The following LINGO2 variants were observed in gnomAD, a reference collection of about 807,000 sequenced individuals.
LINGO2 encodes the protein leucine rich repeat and Ig domain containing 2, also known as leucine-rich repeat and immunoglobulin-like domain-containing nogo receptor-interacting protein 2.
LINGO2 carries 14 observed loss-of-function variants against 30.6 expected under a neutral mutation model. That is an observed-to-expected ratio of 0.46 (90% CI 0.30 to 0.72). The LOEUF (loss-of-function observed/expected upper bound fraction) is 0.72. Among genes scored for constraint, LINGO2 ranks in the 30% least tolerant of loss-of-function variants. The probability of loss-of-function intolerance (pLI) is 0.07; values close to 1 mark genes in which losing one functional copy is unlikely to be tolerated. For missense variants in LINGO2, 729 were observed against 751.7 expected, an observed-to-expected ratio of 0.97 and a Z score of 0.35; for synonymous variants, 317 against 288.5, an observed-to-expected ratio of 1.10 and a Z score of -1.00.
intron 4 of LINGO2, among the ~76,000 whole-genome samples, chr9:28,204,952 C>T (rs1296656539): frequency 6.6e-6 from 1 of 152,188 alleles, no homozygotes; most frequent in Non-Finnish European, 1.5e-5. Context: ...AATTGGCCCA[C>T]TAGCCCAATT....
At chr9:28,302,410 G>A (rs943763207) in intron 3 of LINGO2, among the ~76,000 whole-genome samples, 2 of 152,194 alleles carry the variant, frequency 1.3e-5, no homozygotes, top group African/African-American at 4.8e-5. Context: ...TGGGAGCAAT[G>A]GCTCACACCT....
chr9:28,391,424 A>C (rs1587601478), intron 2 of LINGO2, among the ~76,000 whole-genome samples: 1 of 152,314 alleles, frequency 6.6e-6, no homozygotes, highest in African/African-American at 2.4e-5. Context: ...CGGGTTCATC[A>C]GATTCAAAAC....
intron 4 of LINGO2, among the ~76,000 whole-genome samples, chr9:28,143,860 A>G (rs940577546): frequency 6.6e-6 from 1 of 152,012 alleles, no homozygotes; most frequent in Non-Finnish European, 1.5e-5. Context: ...ATCCAGAGAA[A>G]AAATTCAGTG....
chr9:28,543,286 A>C (rs762229846), intron 1 of LINGO2, among the ~76,000 whole-genome samples: 6 of 152,042 alleles, frequency 3.9e-5, no homozygotes, highest in Non-Finnish European at 7.4e-5. Flanking sequence ...AATTCTCATA[A>C]ATTTCCTTTA....
chr9:28,528,320 A>G (rs997321205), intron 1 of LINGO2, among the ~76,000 whole-genome samples: 1 of 152,200 alleles, frequency 6.6e-6, no homozygotes, highest in African/African-American at 2.4e-5. Flanking sequence ...GTCAGAAGCT[A>G]TCTTTCAGAA....
the LINGO2 span, among the ~76,000 whole-genome samples, chr9:28,990,194 G>A: frequency 6.6e-6 from 1 of 152,312 alleles, no homozygotes; most frequent in East Asian, 1.9e-4. Context: ...GGCACACCAG[G>A]AGATTATATC....
chr9:28,086,092 G>A (rs1372926118), intron 4 of LINGO2, among the ~76,000 whole-genome samples: 2 of 151,986 alleles, frequency 1.3e-5, no homozygotes, highest in Non-Finnish European at 2.9e-5. Context: ...ATATGCATTT[G>A]GACAAGGAGC....
intron 1 of LINGO2, among the ~76,000 whole-genome samples, chr9:28,505,712 C>G (rs1052819902): frequency 6.6e-6 from 1 of 151,890 alleles, no homozygotes; most frequent in Non-Finnish European, 1.5e-5. Context: ...CCAACTAATG[C>G]ATAACCTGCA....
chr9:29,151,464 G>A, the LINGO2 span, among the ~76,000 whole-genome samples: 30 of 152,132 alleles, frequency 2.0e-4, no homozygotes, highest in Non-Finnish European at 3.7e-4. Context: ...TGGCAAGCTG[G>A]ATAATAATAC....
the LINGO2 span, among the ~76,000 whole-genome samples, chr9:29,066,230 G>A: frequency 6.6e-6 from 1 of 151,844 alleles, no homozygotes; most frequent in Non-Finnish European, 1.5e-5. Context: ...AACTGGGGGT[G>A]GGAACACACT....
chr9:28,890,324 A>G, the LINGO2 span, among the ~76,000 whole-genome samples: 1 of 152,060 alleles, frequency 6.6e-6, no homozygotes, highest in Non-Finnish European at 1.5e-5. Context: ...GACTGAGACC[A>G]TATCTCCATA....
At chr9:28,171,503 G>T (rs574893461) in intron 4 of LINGO2, among the ~76,000 whole-genome samples, 2 of 152,106 alleles carry the variant, frequency 1.3e-5, no homozygotes, top group Non-Finnish European at 2.9e-5. Flanking sequence ...ATCACAGAGG[G>T]CTTGGGAAGC....
At chr9:28,861,182 TTAATA>T in the LINGO2 span, among the ~76,000 whole-genome samples, 1 of 117,290 alleles carries the variant, frequency 8.5e-6, no homozygotes, top group Admixed American at 1.1e-4. Flanking sequence ...TATATTTATA[TTAATA>T]TATTTTATAT....
chr9:28,860,229 C>T, the LINGO2 span, among the ~76,000 whole-genome samples: 1 of 152,078 alleles, frequency 6.6e-6, no homozygotes, highest in Non-Finnish European at 1.5e-5. Context: ...AACGTGACTG[C>T]ACCATAGTGC....
At chr9:29,171,698 T>C in the LINGO2 span, among the ~76,000 whole-genome samples, 2 of 151,910 alleles carry the variant, frequency 1.3e-5, no homozygotes, top group African/African-American at 4.8e-5. Context: ...GGAATATCAC[T>C]TGGCGGAAAA....
At chr9:28,733,263 T>G in the LINGO2 span, among the ~76,000 whole-genome samples, 1 of 152,142 alleles carries the variant, frequency 6.6e-6, no homozygotes, top group Admixed American at 6.5e-5. Flanking sequence ...CCCAGCATTA[T>G]TTTTTCCTTA....
At chr9:28,771,298 T>G in the LINGO2 span, among the ~76,000 whole-genome samples, 42 of 151,704 alleles carry the variant, frequency 2.8e-4, no homozygotes, top group African/African-American at 9.7e-4. Context: ...ATAACTTCAA[T>G]TGAAAGAAAT....
At chr9:28,218,683 A>G (rs975023483) in intron 4 of LINGO2, among the ~76,000 whole-genome samples, 13 of 152,098 alleles carry the variant, frequency 8.5e-5, no homozygotes, top group Non-Finnish European at 1.8e-4. Context: ...ACAAAGCTGA[A>G]GAAGCCATGG....
intron 5 of LINGO2, among the ~76,000 whole-genome samples, chr9:27,993,658 T>C (rs995218662): frequency 6.6e-6 from 1 of 152,186 alleles, no homozygotes; most frequent in African/African-American, 2.4e-5. Flanking sequence ...TCTTTAAATA[T>C]AGGTTAATAA....
Sources: allele counts gnomAD v4.1 joint callset (sites outside exome capture counted in the v4.1 genomes callset), GRCh38; gene constraint gnomAD v4.1.1; transcripts MANE v1.5; gene names NCBI Gene and HGNC (gene_info 2026-07-23, HGNC 2026-07-21).